The following IGDCC4 variants were observed in gnomAD, a reference collection of about 807,000 sequenced individuals.
IGDCC4 encodes likely ortholog of mouse neighbor of Punc E11.
A neutral mutation model predicts 116.6 loss-of-function variants in IGDCC4; 72 were observed. The observed-to-expected ratio is 0.62, with a 90% confidence interval of 0.51 to 0.75. The LOEUF is 0.75. Among genes scored for constraint, IGDCC4 ranks in the 30% least tolerant of loss-of-function variants. The pLI is 0.00. For synonymous variants in IGDCC4, 709 were observed against 719.9 expected (o/e 0.98, Z 0.24); for missense variants, 1,501 against 1,662.4 (o/e 0.90, Z 1.69).
intron 3 of IGDCC4, among the ~76,000 whole-genome samples, chr15:65,407,398 A>G (rs1038648433): frequency 1.3e-5 from 2 of 152,088 alleles, no homozygotes; most frequent in African/African-American, 4.8e-5. Flanking sequence ...GCTGGAGTGC[A>G]ATGGTGTGAT....
chr15:65,402,283 T>C, intron 4 of IGDCC4, 68 bp downstream of exon 4: 1 of 1,523,314 alleles, frequency 6.6e-7, no homozygotes, highest in Non-Finnish European at 8.8e-7. Flanking sequence ...CCCCTTGAGG[T>C]CCCTCCCAGC....
intron 10 of IGDCC4, 71 bp from the exon 11 acceptor site, chr15:65,392,441 T>G: frequency 8.3e-7 from 1 of 1,209,418 alleles, no homozygotes; most frequent in Non-Finnish European, 1.2e-6. Context: ...AGGCCAGGGA[T>G]AGGAGACAGG....
intron 8 of IGDCC4, 72 bp downstream of exon 8, chr15:65,395,022 G>A (rs2062906658): frequency 6.7e-7 from 1 of 1,499,662 alleles, no homozygotes; most frequent in Non-Finnish European, 9.0e-7. Flanking sequence ...CATTAGTAAA[G>A]AGAGGGTGAG....
rs758693254 is a variant in IGDCC4, at chr15:65,389,325, C to T, written c.2495G>A (p.Gly832Glu). 5.0e-6 allele frequency: 8 copies of T among 1,614,140 alleles called. No homozygotes were observed. Among genetic ancestry groups the T allele is most frequent in the Non-Finnish European group, 6.8e-6 (8 of 1,180,024 alleles). Residue 832 changes from glycine to glutamate, a missense_variant, in exon 14 of 20, where the codon GGG becomes GAG. Coordinates refer to ENST00000352385, the MANE Select transcript of IGDCC4 (RefSeq NM_020962.3). ...AVQSHGVDMD[G>E]PFGSVVERST... is the part of the protein sequence containing the mutation. ...GCGCTCCACCACAGAGCCGAAAGGC[C>T]CATCCATGTCCACGCCGTGAGACTG...
Position 65,396,010 on chromosome 15 carries a change from T to C in IGDCC4, c.1151A>G (p.Gln384Arg). 6 of 1,524,382 alleles carry C rather than the reference T, an allele frequency of 3.9e-6. No homozygotes were observed. Among genetic ancestry groups the C allele is most frequent in the Non-Finnish European group, 5.2e-6 (6 of 1,143,362 alleles). 94.4% of individuals were successfully genotyped at this position (1,524,382 alleles called of 1,614,324 possible). The change falls in exon 7 of 20, where the codon CAG becomes CGG. Residue 384 changes from glutamine to arginine, a missense_variant. Physicochemically the swap from Gln to Arg is conservative, Grantham distance 43 (BLOSUM62 1). Coordinates refer to ENST00000352385, the MANE Select transcript of IGDCC4 (RefSeq NM_020962.3). ...GATGACCAGGCTGCCACCGCCGCCCTGGACCTTGACGCGCCCGTTGGGCCG... is the reference window on the plus strand; with the variant it reads ...GATGACCAGGCTGCCACCGCCGCCCCGGACCTTGACGCGCCCGTTGGGCCG... ...PLRPNGRVKV[Q>R]GGGGSLVITQ...
At chr15:65,420,774 A>T (rs1199881487) in intron 1 of IGDCC4, among the ~76,000 whole-genome samples, 1 of 151,974 alleles carries the variant, frequency 6.6e-6, no homozygotes. Context: ...TACAGGGCTA[A>T]CTCCATGTCG....
intron 1 of IGDCC4, among the ~76,000 whole-genome samples, chr15:65,418,829 G>A (rs571430907): frequency 6.6e-6 from 1 of 152,058 alleles, no homozygotes. Context: ...AGGTGGGGGG[G>A]GTTAAGTGGA....
chr15:65,401,531 A>G (rs1470467650), intron 4 of IGDCC4, among the ~76,000 whole-genome samples: 1 of 152,054 alleles, frequency 6.6e-6, no homozygotes, highest in Non-Finnish European at 1.5e-5. Flanking sequence ...AACAGAAGAA[A>G]GACGACACCA....
chr15:65,395,760 C>G lies in IGDCC4; in HGVS notation c.1401G>C (p.Gln467His), dbSNP rs1237688337. 6 of 1,445,648 alleles carry G rather than the reference C, an allele frequency of 4.2e-6. No individual in the cohort carries two copies. Among genetic ancestry groups the G allele is most frequent in the Non-Finnish European group, 5.5e-6 (6 of 1,091,516 alleles). The allele number at this position is 1,445,648 out of a possible 1,614,324, so 89.6% of individuals were successfully genotyped here. A position where few individuals can be genotyped will look rare whatever the true frequency, so the allele number is the denominator to read the frequency against. ...EQIIGFSLHY[Q>H]KARGMDNVEY... ...CCCAGGCCGACGTACCCCGTGCCTT[C>G]TGGTAGTGGAGAGAGAAGCCGATGA... The change falls in exon 7 of 20, where the codon CAG (glutamine) becomes CAC (histidine). Residue 467 changes from glutamine (Q) to histidine (H), a missense_variant. By Grantham distance (24) the Gln-to-His change is conservative. Around this residue, in one of 3 missense-constraint regions of IGDCC4, gnomAD observed 898 missense variants for 978.9 expected, o/e 0.92. Coordinates refer to ENST00000352385, the MANE Select transcript of IGDCC4 (RefSeq NM_020962.3).
At position 65,383,414 on chromosome 15, in the gene IGDCC4, C is replaced by T. The variant is rs1440344229; in HGVS notation, c.*595G>A. ...GCGGATTTTCAAAACCAGGCACTTC[C>T]CAGATTACAAAATTAAATGCAGAGT... On this transcript the variant is annotated 3_prime_UTR_variant, in exon 20 of 20. Coordinates refer to ENST00000352385, the MANE Select transcript of IGDCC4 (RefSeq NM_020962.3). 1 of 152,176 alleles carries T rather than the reference C, an allele frequency of 6.6e-6. No homozygotes were observed. Among genetic ancestry groups the T allele is most frequent in the Non-Finnish European group, 1.5e-5 (1 of 68,106 alleles). The allele number at this position is 152,176 out of a possible 1,614,324, so 9.4% of individuals were successfully genotyped here.
At chr15:65,410,401 C>T (rs1016831447) in intron 2 of IGDCC4, 82 bp from the exon 3 acceptor site, 5 of 1,511,390 alleles carry the variant, frequency 3.3e-6, no homozygotes, top group African/African-American at 2.7e-5. Context: ...GAAACACATC[C>T]GCATGGAGAC....
intron 3 of IGDCC4, among the ~76,000 whole-genome samples, chr15:65,407,023 A>G (rs1457388398): frequency 6.6e-6 from 1 of 152,286 alleles, no homozygotes; most frequent in Non-Finnish European, 1.5e-5. Flanking sequence ...AAACTTCTTC[A>G]GACCTCACAG....
chr15:65,399,679 G>C (rs146837282), intron 5 of IGDCC4, among the ~76,000 whole-genome samples: 21 of 152,168 alleles, frequency 1.4e-4, no homozygotes, highest in Admixed American at 1.0e-3. Flanking sequence ...GTGCAGGTCA[G>C]ATAGGTGCGA....
At chr15:65,385,808 C>T in intron 18 of IGDCC4, 23 bp downstream of exon 18, 2 of 1,580,982 alleles carry the variant, frequency 1.3e-6, no homozygotes, top group Non-Finnish European at 1.7e-6. Flanking sequence ...AGAAAAGAGC[C>T]GCAATGTGGG....
intron 2 of IGDCC4, 183 bp from the exon 3 acceptor site, chr15:65,410,502 C>T (rs2063080985): frequency 3.0e-6 from 2 of 658,918 alleles, no homozygotes; most frequent in Non-Finnish European, 5.2e-6. Context: ...TCAGATACTG[C>T]CAGCAGAATG....
chr15:65,385,187 G>A, intron 18 of IGDCC4, 72 bp from the exon 19 acceptor site: 1 of 1,478,182 alleles, frequency 6.8e-7, no homozygotes, highest in Non-Finnish European at 9.0e-7. Flanking sequence ...CCCGGGGGAG[G>A]GAATTGGGAT....
rs1183761571 is a variant in IGDCC4 at position 65,395,911 on chromosome 15, G to A, written c.1250C>T (p.Ala417Val). ...GCGCACCACCACGGCCAGCGACGCG[G>A]CAGCGCACGCCATTCCCGCGCTGTT... ...AENSAGMACA[A>V]ASLAVVVREG... The change falls in exon 7 of 20, where the codon GCC (alanine) becomes GTC (valine). Residue 417 changes from alanine to valine, a missense_variant. By Grantham distance (64) the Ala-to-Val change is moderately conservative (BLOSUM62 0). This residue lies in a region of IGDCC4 where 898 missense variants were observed against 978.9 expected (regional missense o/e 0.92). Coordinates refer to ENST00000352385, the MANE Select transcript of IGDCC4 (RefSeq NM_020962.3). 6.3e-7 allele frequency: 1 copy of A among 1,589,870 alleles called. No individual in the cohort carries two copies. Among genetic ancestry groups the A allele is most frequent in the Admixed American group, 1.7e-5 (1 of 59,250 alleles).
chr15:65,383,682 A>T lies in IGDCC4; in HGVS notation c.*327T>A, dbSNP rs552473027. 1 of 242,094 alleles carries T rather than the reference A, an allele frequency of 4.1e-6. No individual in the cohort carries two copies. The highest frequency in any genetic ancestry group is 2.2e-5 in the African/African-American group (1 of 44,826). 15.0% of individuals were successfully genotyped at this position (242,094 alleles called of 1,614,324 possible). On this transcript the variant is annotated 3_prime_UTR_variant, in exon 20 of 20. Transcript: ENST00000352385. ...CTGACCACTGTGGGGCACCGTTCTGACCTGGAGGACCAATCAGGCTGTAGT... is the reference window on the plus strand; with the variant it reads ...CTGACCACTGTGGGGCACCGTTCTGTCCTGGAGGACCAATCAGGCTGTAGT...
chr15:65,383,909 T>G lies in IGDCC4; in HGVS notation c.*100A>C. 8.6e-7 allele frequency: 1 copy of G among 1,163,592 alleles called. No homozygotes were observed. Among genetic ancestry groups the G allele is most frequent in the Non-Finnish European group, 1.2e-6 (1 of 851,258 alleles). 72.1% of individuals were successfully genotyped at this position (1,163,592 alleles called of 1,614,324 possible). A position where few individuals can be genotyped will look rare whatever the true frequency, so the allele number is the denominator to read the frequency against. ...ACTTAGGAAGCTCCAAAGGGCTTGA[T>G]GATGTATCTACAGGCACACATGTGG... On this transcript the variant is annotated 3_prime_UTR_variant, in exon 20 of 20. Coordinates refer to ENST00000352385, the MANE Select transcript of IGDCC4 (RefSeq NM_020962.3).
Sources: allele counts gnomAD v4.1 joint callset (sites outside exome capture counted in the v4.1 genomes callset), GRCh38; gene constraint gnomAD v4.1.1; regional missense constraint gnomAD v4.1.1; transcripts MANE v1.5; gene names NCBI Gene and HGNC (gene_info 2026-07-23, HGNC 2026-07-21).